Variants in SEC61B observed in about 807,000 individuals in gnomAD.
The protein encoded by SEC61B is SEC61 translocon subunit beta.
In SEC61B, 7 loss-of-function variants were observed where a neutral mutation model predicts 12.6. That is an observed-to-expected ratio of 0.55 (90% CI 0.32 to 1.04). The LOEUF (loss-of-function observed/expected upper bound fraction) is 1.04, where lower values mean the gene tolerates loss of function less well. Ranked by LOEUF, SEC61B falls within the 50% of genes least tolerant of loss-of-function variation. The pLI, the probability that SEC61B is intolerant of heterozygous loss-of-function variation, is 0.05. For synonymous variants in SEC61B, 54 were observed against 50.1 expected, an observed-to-expected ratio of 1.08 and a Z score of -0.33; for missense variants, 107 against 130.1, an observed-to-expected ratio of 0.82 and a Z score of 0.86.
chr9:99,228,683 A>C (rs1434679957), intron 3 of SEC61B, among the ~76,000 whole-genome samples: 2 of 152,232 alleles, frequency 1.3e-5, no homozygotes. Context: ...TTCCTGACTA[A>C]ACTCGGTGGA....
chr9:99,222,721 C>G (rs546409310), intron 2 of SEC61B, 78 bp downstream of exon 2: 1 of 1,035,854 alleles, frequency 9.7e-7, no homozygotes, highest in African/African-American at 1.6e-5. Flanking sequence ...GGTGGAGACC[C>G]TAGCATGTGA....
Position 99,229,496 on chromosome 9 carries a change from G to A in SEC61B, c.204-841G>A, listed in dbSNP as rs192404018. Among the ~76,000 whole-genome samples the A allele has an allele frequency of 2.0e-4, 30 of 152,196 alleles. No individual in the cohort carries two copies. The East Asian group carries it at 5.6e-3, about 28-fold the overall frequency. On this transcript the variant is annotated intron_variant, in intron 3 of 3. Coordinates refer to ENST00000223641, the MANE Select transcript of SEC61B (RefSeq NM_006808.3). ...TAGTCCTGAGTAGTTGGGACTACAA[G>A]TGCGCACTACCATGCCTGGCTAGTT...
At chr9:99,225,026 CTG>C (rs1244168139) in intron 2 of SEC61B, among the ~76,000 whole-genome samples, 2 of 152,142 alleles carry the variant, frequency 1.3e-5, no homozygotes, top group Non-Finnish European at 2.9e-5. Flanking sequence ...GCTTTATAAA[CTG>C]TAAAGGTGTG....
In SEC61B at chr9:99,223,713, T is replaced by C. The variant is rs917730977; in HGVS notation, c.101+1070T>C. Among the ~76,000 whole-genome samples, 3 of 152,226 alleles carry C rather than the reference T, an allele frequency of 2.0e-5. No homozygotes were observed. The South Asian group carries it at 6.2e-4, about 31-fold the overall frequency. ...GGCCTTCAGCCTAATCTTTCTTTGC[T>C]GTCCTATGATCCAGCACTCGTGAAC... On this transcript the variant is annotated intron_variant, in intron 2 of 3. Transcript: ENST00000223641.
chr9:99,226,734 C>G (rs947108292), intron 2 of SEC61B, among the ~76,000 whole-genome samples: 1 of 152,132 alleles, frequency 6.6e-6, no homozygotes, highest in Non-Finnish European at 1.5e-5. Context: ...GTGGGGTTCC[C>G]CGGTGACTGA....
At chr9:99,227,400 A>G (rs1828911748) in intron 2 of SEC61B, among the ~76,000 whole-genome samples, 1 of 152,080 alleles carries the variant, frequency 6.6e-6, no homozygotes, top group Non-Finnish European at 1.5e-5. Flanking sequence ...CAGTAAATAT[A>G]CTAATTTTAA....
intron 3 of SEC61B, among the ~76,000 whole-genome samples, chr9:99,228,314 G>T (rs1272887726): frequency 6.6e-6 from 1 of 152,228 alleles, no homozygotes; most frequent in Non-Finnish European, 1.5e-5. Flanking sequence ...TTCATTTGGT[G>T]ATCTTGCCCC....
Position 99,228,061 on chromosome 9 carries a change from A to G in SEC61B, c.203+61A>G, listed in dbSNP as rs113403897. ...GTGGCAGCAGAGCAGCAGTGGCAGCACTCTGTCTCTGTCACCAGTAGCGTT... is the reference window on the plus strand; with the variant it reads ...GTGGCAGCAGAGCAGCAGTGGCAGCGCTCTGTCTCTGTCACCAGTAGCGTT... On this transcript the variant is annotated intron_variant, in intron 3 of 3. Transcript: ENST00000223641. 0.07 allele frequency: 89,989 copies of G among 1,280,222 alleles called. 3,631 individuals are homozygous for G. Among genetic ancestry groups the G allele is most frequent in the Middle Eastern group, 0.1 (557 of 5,442 alleles). 79.3% of individuals were successfully genotyped at this position (1,280,222 alleles called of 1,614,324 possible).
intron 2 of SEC61B, among the ~76,000 whole-genome samples, chr9:99,224,232 C>G (rs1828871835): frequency 1.3e-5 from 2 of 152,200 alleles, no homozygotes; most frequent in African/African-American, 2.4e-5. Context: ...CAAAGACATT[C>G]TAATAGAACT....
chr9:99,222,756 T>G, intron 2 of SEC61B, 113 bp downstream of exon 2: 2 of 748,358 alleles, frequency 2.7e-6, no homozygotes, highest in East Asian at 2.9e-5. Context: ...AAAATGAGCT[T>G]CTAGTGACGT....
At chr9:99,228,592 G>T (rs956104285) in intron 3 of SEC61B, among the ~76,000 whole-genome samples, 59 of 152,226 alleles carry the variant, frequency 3.9e-4, no homozygotes, top group African/African-American at 1.4e-3. Flanking sequence ...CCCATGCCTT[G>T]CTCAGGGTTT....
intron 2 of SEC61B, 94 bp downstream of exon 2, chr9:99,222,737 G>A (rs1828844885): frequency 3.3e-6 from 3 of 908,094 alleles, no homozygotes; most frequent in Non-Finnish European, 4.8e-6. Flanking sequence ...TGTGAAGATT[G>A]ACAAAGGCAA....
intron 3 of SEC61B, 77 bp downstream of exon 3, chr9:99,228,077 C>T (rs1256700043): frequency 1.8e-6 from 2 of 1,139,722 alleles, no homozygotes; most frequent in Non-Finnish European, 2.6e-6. Context: ...TCTCTGTCAC[C>T]AGTAGCGTTT....
In SEC61B at chr9:99,222,641, G is replaced by C; in HGVS notation, c.99G>C (p.Gln33His). Residue 33 changes from glutamine (Q) to histidine (H), a missense_variant and splice_region_variant, in exon 2 of 4, where the codon CAG becomes CAC. Gln to His is a conservative substitution (Grantham distance 24, BLOSUM62 0). Coordinates refer to ENST00000223641, the MANE Select transcript of SEC61B (RefSeq NM_006808.3). ...GGGCGGCGGGATCCACTGTCCGGCA[G>C]AGGTAAGGAACCCTGCAGTTCGTTC... ...AARAAGSTVRQRKNASCGTRS... is the reference protein window; with the variant it reads ...AARAAGSTVRHRKNASCGTRS... 6.5e-7 allele frequency: 1 copy of C among 1,542,036 alleles called. No individual in the cohort carries two copies. Among genetic ancestry groups the C allele is most frequent in the South Asian group, 1.2e-5 (1 of 83,218 alleles).
At chr9:99,228,150 G>A (rs1828920519) in intron 3 of SEC61B, 150 bp downstream of exon 3, 4 of 592,170 alleles carry the variant, frequency 6.8e-6, no homozygotes, top group Non-Finnish European at 1.2e-5. Flanking sequence ...GGTTTGGTTT[G>A]CCTGTTTATC....
chr9:99,228,943 TAAAA>T (rs1473302289), intron 3 of SEC61B, among the ~76,000 whole-genome samples: 2 of 152,152 alleles, frequency 1.3e-5, no homozygotes, highest in Admixed American at 6.5e-5. Context: ...CTAGTTAAAA[TAAAA>T]AAGACAAAAT....
intron 3 of SEC61B, among the ~76,000 whole-genome samples, chr9:99,229,978 A>G (rs1828940548): frequency 6.6e-6 from 1 of 152,324 alleles, no homozygotes; most frequent in South Asian, 2.1e-4. Flanking sequence ...AAGTTTGGTA[A>G]TGGGTTCATT....
At chr9:99,222,469 G>C (rs1432862930) in intron 1 of SEC61B, 77 bp from the exon 2 acceptor site, 1 of 1,604,296 alleles carries the variant, frequency 6.2e-7, no homozygotes, top group African/African-American at 1.3e-5. Context: ...CCCCAGCCTC[G>C]GGTGTGGGTG....
intron 2 of SEC61B, among the ~76,000 whole-genome samples, chr9:99,227,083 T>C (rs1015347107): frequency 4.6e-5 from 7 of 151,894 alleles, no homozygotes; most frequent in African/African-American, 1.7e-4. Flanking sequence ...CTGGCCAGTA[T>C]GGTGAAACCC....
Sources: gnomAD v4.1 joint callset for allele counts (sites outside exome capture counted in the v4.1 genomes callset) on GRCh38, gnomAD v4.1.1 for gene constraint, MANE v1.5 for transcripts, NCBI Gene and HGNC (gene_info 2026-07-23, HGNC 2026-07-21) for gene names.